JAM3: variants seen among roughly 807,000 people sequenced by gnomAD.
The protein encoded by JAM3 is junctional adhesion molecule C.
In JAM3, 31 loss-of-function variants were observed where a neutral mutation model predicts 39.4. The observed-to-expected ratio is 0.79, with a 90% CI of 0.59 to 1.06. JAM3 has a LOEUF of 1.06. Ranked by LOEUF, JAM3 falls within the 50% of genes least tolerant of loss-of-function variation. The pLI is 0.00. For missense variants in JAM3, 455 were observed against 391.4 expected, an observed-to-expected ratio of 1.16 and a Z score of -1.37; for synonymous variants, 182 against 148.7, an observed-to-expected ratio of 1.22 and a Z score of -1.63.
At chr11:134,100,087 T>G (rs1228049784) in intron 1 of JAM3, among the ~76,000 whole-genome samples, 1 of 152,210 alleles carries the variant, frequency 6.6e-6, no homozygotes, top group Admixed American at 6.5e-5. Flanking sequence ...TGACATTATA[T>G]CTTTAATTAA....
intron 1 of JAM3, among the ~76,000 whole-genome samples, chr11:134,110,045 T>C (rs1454715468): frequency 3.9e-5 from 6 of 152,090 alleles, no homozygotes; most frequent in Non-Finnish European, 1.5e-5. Context: ...GAATGGAAAA[T>C]AAATACAAGA....
At chr11:134,121,260 C>T (rs556205087) in intron 1 of JAM3, among the ~76,000 whole-genome samples, 12 of 152,286 alleles carry the variant, frequency 7.9e-5, no homozygotes, top group African/African-American at 2.6e-4. Flanking sequence ...GCAGAGTTTC[C>T]GGAAGGTCTC....
chr11:134,100,613 C>T (rs1271529152), intron 1 of JAM3, among the ~76,000 whole-genome samples: 1 of 152,132 alleles, frequency 6.6e-6, no homozygotes, highest in Admixed American at 6.5e-5. Flanking sequence ...AATCTCAGCA[C>T]CTAGAAAGCA....
chr11:134,127,525 C>A (rs894437176), intron 1 of JAM3, among the ~76,000 whole-genome samples: 7 of 152,022 alleles, frequency 4.6e-5, no homozygotes, highest in Non-Finnish European at 5.9e-5. Context: ...ATGGTGAAAC[C>A]CCGTTTCTAT....
intron 1 of JAM3, among the ~76,000 whole-genome samples, 154 bp downstream of exon 1, chr11:134,069,313 G>C (rs1941448352): frequency 6.6e-6 from 1 of 152,168 alleles, no homozygotes; most frequent in African/African-American, 2.4e-5. Flanking sequence ...GCGCGCCCGC[G>C]TCCCCGCAGC....
At chr11:134,135,402 C>T (rs978155600) in intron 1 of JAM3, among the ~76,000 whole-genome samples, 4 of 152,124 alleles carry the variant, frequency 2.6e-5, no homozygotes, top group African/African-American at 9.7e-5. Flanking sequence ...TGGGGGGACC[C>T]CACACTGTTT....
intron 1 of JAM3, among the ~76,000 whole-genome samples, chr11:134,132,901 G>T (rs1942794255): frequency 6.6e-6 from 1 of 152,178 alleles, no homozygotes; most frequent in African/African-American, 2.4e-5. Context: ...CTCTGGTACT[G>T]GTGGTTCCTG....
At chr11:134,107,012 G>A (rs1265859335) in intron 1 of JAM3, among the ~76,000 whole-genome samples, 1 of 152,122 alleles carries the variant, frequency 6.6e-6, no homozygotes, top group Non-Finnish European at 1.5e-5. Flanking sequence ...AAATCATACT[G>A]CTATAAAGAC....
chr11:134,080,253 T>A (rs1369213670), intron 1 of JAM3, among the ~76,000 whole-genome samples: 1 of 152,246 alleles, frequency 6.6e-6, no homozygotes, highest in Non-Finnish European at 1.5e-5. Context: ...AGAAAAATTC[T>A]CAATCTTTTA....
At chr11:134,104,177 C>G (rs1281664255) in intron 1 of JAM3, among the ~76,000 whole-genome samples, 2 of 152,176 alleles carry the variant, frequency 1.3e-5, no homozygotes, top group Admixed American at 6.5e-5. Context: ...ACAGTGCAAT[C>G]AAACTAGAAC....
chr11:134,100,112 C>T (rs1231772134), intron 1 of JAM3, among the ~76,000 whole-genome samples: 1 of 152,094 alleles, frequency 6.6e-6, no homozygotes. Flanking sequence ...TTAAATTCTT[C>T]TCAAATTCTG....
intron 1 of JAM3, among the ~76,000 whole-genome samples, chr11:134,074,262 T>A (rs1228633665): frequency 2.6e-5 from 4 of 152,246 alleles, no homozygotes. Flanking sequence ...TTTTCCTGGT[T>A]GATTCTTGTA....
intron 1 of JAM3, among the ~76,000 whole-genome samples, chr11:134,136,664 G>T (rs1318074925): frequency 6.6e-6 from 1 of 152,142 alleles, no homozygotes; most frequent in Non-Finnish European, 1.5e-5. Flanking sequence ...CTCTGCTCTG[G>T]AGTCTTCCTG....
rs572065876 is a variant in JAM3, at chr11:134,090,079, A to T, written c.76+20920A>T. ...GGCCAGTGATGATGAGCATTTTTTC[A>T]TGTGTCTTTTGGCTGCATAAATGTC... On this transcript the variant is annotated intron_variant, in intron 1 of 8. Transcript: ENST00000299106. Among the ~76,000 whole-genome samples, 10 of 152,272 alleles carry T rather than the reference A, an allele frequency of 6.6e-5. No homozygotes were observed. In the East Asian group the frequency reaches 1.3e-3, roughly 21 times the overall value.
chr11:134,139,453 C>T (rs868194403), intron 1 of JAM3, among the ~76,000 whole-genome samples: 6 of 152,008 alleles, frequency 3.9e-5, no homozygotes, highest in Non-Finnish European at 7.4e-5. Flanking sequence ...TCACGTGCCA[C>T]TGAGGGTGCC....
intron 3 of JAM3, 74 bp from the exon 4 acceptor site, chr11:134,144,167 C>G (rs1943026659): frequency 3.3e-6 from 5 of 1,506,064 alleles, no homozygotes; most frequent in Non-Finnish European, 4.6e-6. Context: ...TAGTGCTAGC[C>G]CCAGAAACCA....
chr11:134,117,712 C>T (rs1024849725), intron 1 of JAM3, among the ~76,000 whole-genome samples: 5 of 152,112 alleles, frequency 3.3e-5, no homozygotes, highest in East Asian at 1.9e-4. Context: ...ACAAAGCAAA[C>T]GAATAACTGG....
chr11:134,075,498 T>C lies in JAM3; in HGVS notation c.76+6339T>C, dbSNP rs534543651. On this transcript the variant is annotated intron_variant, in intron 1 of 8. Coordinates refer to ENST00000299106, the MANE Select transcript of JAM3 (RefSeq NM_032801.5). Reference sequence around the variant, plus strand: ...GTGCTTATTGCTCTATCTGGGGTCTTAGTGAGCTTGGGCTTCTATGACAGA... The same window carrying C: ...GTGCTTATTGCTCTATCTGGGGTCTCAGTGAGCTTGGGCTTCTATGACAGA... 5.2e-4 allele frequency among the ~76,000 whole-genome samples: 74 copies of C among 141,134 alleles called. 1 individual carries two copies. The highest frequency in any genetic ancestry group is 1.9e-3 in the African/African-American group (67 of 35,580). The allele number at this position is 141,134 out of a possible 152,430, so 92.6% of individuals were successfully genotyped here. A position where few individuals can be genotyped will look rare whatever the true frequency, so the allele number is the denominator to read the frequency against.
intron 1 of JAM3, chr11:134,126,579 C>G (rs866772487): frequency 6.6e-6 from 1 of 152,206 alleles, no homozygotes; most frequent in East Asian, 1.9e-4. Context: ...TGCATGTTGC[C>G]TGAGCCTCTT....
Sources: allele counts gnomAD v4.1 joint callset (sites outside exome capture counted in the v4.1 genomes callset), GRCh38; gene constraint gnomAD v4.1.1; transcripts MANE v1.5; gene names NCBI Gene and HGNC (gene_info 2026-07-23, HGNC 2026-07-21).